Variants in FGFRL1 observed in about 807,000 individuals in gnomAD.
FGFRL1 encodes the protein fibroblast growth factor receptor like 1.
In FGFRL1, 24 loss-of-function variants were observed where a neutral mutation model predicts 36.8. That is an observed-to-expected ratio of 0.65 (90% CI 0.47 to 0.92). FGFRL1 has a LOEUF of 0.92. Among genes scored for constraint, FGFRL1 ranks in the 40% least tolerant of loss-of-function variants. FGFRL1 has a pLI of 0.00. For synonymous variants in FGFRL1, 422 were observed against 344.1 expected (o/e 1.23, Z -2.50); for missense variants, 785 against 753.4 (o/e 1.04, Z -0.49).
intron 2 of FGFRL1, 98 bp from the exon 3 acceptor site, chr4:1,022,105 C>A (rs1484843965): frequency 7.3e-6 from 7 of 954,984 alleles, no homozygotes; most frequent in Non-Finnish European, 1.1e-5. Context: ...GAGCTCAGGC[C>A]CGAGGTCTGT....
rs370665283 is a variant in FGFRL1 at position 1,025,349 on chromosome 4, C to G, written c.*2C>G. 6.5e-7 allele frequency: 1 copy of G among 1,542,812 alleles called. No individual in the cohort carries two copies. The highest frequency in any genetic ancestry group is 8.8e-7 in the Non-Finnish European group (1 of 1,140,750). ...CAGCACATCCACTATCAGTGCTAGA[C>G]GGCACCGTATCTGCAGTGGGCACGG... On this transcript the variant is annotated 3_prime_UTR_variant, in exon 7 of 7. Coordinates refer to ENST00000510644, the MANE Select transcript of FGFRL1 (RefSeq NM_001004356.3).
At chr4:1,020,055 A>G (rs1397398020) in intron 2 of FGFRL1, among the ~76,000 whole-genome samples, 1 of 152,238 alleles carries the variant, frequency 6.6e-6, no homozygotes, top group African/African-American at 2.4e-5. Flanking sequence ...GAGAGGTGAT[A>G]GGGATTCTCT....
At chr4:1,016,068 C>A (rs550454956) in intron 2 of FGFRL1, among the ~76,000 whole-genome samples, 1 of 152,190 alleles carries the variant, frequency 6.6e-6, no homozygotes, top group Non-Finnish European at 1.5e-5. Flanking sequence ...TTGAGAAGTC[C>A]GCCATGTGAG....
intron 2 of FGFRL1, among the ~76,000 whole-genome samples, chr4:1,018,777 GC>G (rs1414410530): frequency 1.3e-5 from 2 of 152,192 alleles, no homozygotes; most frequent in African/African-American, 4.8e-5. Flanking sequence ...TGGTGCCCTG[GC>G]CGCTGTCCTG....
At chr4:1,016,990 T>C (rs55916145) in intron 2 of FGFRL1, among the ~76,000 whole-genome samples, 46,335 of 151,992 alleles carry the variant, frequency 0.3, 8,157 homozygotes, top group South Asian at 0.46. Context: ...ACTGTGTCTC[T>C]TCTCGGTAAC....
At chr4:1,014,077 C>T (rs1325966231) in intron 2 of FGFRL1, among the ~76,000 whole-genome samples, 3 of 152,232 alleles carry the variant, frequency 2.0e-5, no homozygotes, top group Admixed American at 1.3e-4. Flanking sequence ...AAGTGTGTTT[C>T]TCCTGCTCTG....
chr4:1,016,402 G>C (rs1468099871), intron 2 of FGFRL1, among the ~76,000 whole-genome samples: 2 of 152,152 alleles, frequency 1.3e-5, no homozygotes, highest in Non-Finnish European at 2.9e-5. Context: ...TCTGGACTGG[G>C]ATGGGTACGG....
At position 1,024,468 on chromosome 4, in the gene FGFRL1, C is replaced by G; in HGVS notation, c.876C>G (p.His292Gln). The G allele has an allele frequency of 6.2e-7, 1 of 1,612,538 alleles. No homozygotes were observed. Among genetic ancestry groups the G allele is most frequent in the Middle Eastern group, 1.6e-4 (1 of 6,062 alleles). Reference protein sequence around the residue: ...KRVEYGAEGRHNSTIDVGGQK... With the variant: ...KRVEYGAEGRQNSTIDVGGQK... ...TGGAGTACGGCGCCGAGGGCCGCCA[C>G]AACTCCACCATCGATGTGGGCGGCC... The change falls in exon 6 of 7, where the codon CAC (histidine) becomes CAG (glutamine). Residue 292 changes from histidine to glutamine, a missense_variant. Coordinates refer to ENST00000510644, the MANE Select transcript of FGFRL1 (RefSeq NM_001004356.3).
In FGFRL1 at chr4:1,024,599, A is replaced by ACAT. The variant is rs1716399728; in HGVS notation, c.1009_1011dup (p.Ile337dup). 1 of 1,612,046 alleles carries ACAT rather than the reference A, an allele frequency of 6.2e-7. No individual in the cohort carries two copies. The highest frequency in any genetic ancestry group is 8.5e-7 in the Non-Finnish European group (1 of 1,179,736). ...GCCCGCCAGGACGATGCGGGCATGT[A>ACAT]CATCTGCCTTGGCGCCAACACCATG... On this transcript the variant is annotated inframe_insertion, in exon 6 of 7. Transcript: ENST00000510644.
Position 1,025,147 on chromosome 4 carries a change from A to C in FGFRL1, c.1315A>C (p.Ser439Arg). 1 of 1,610,944 alleles carries C rather than the reference A, an allele frequency of 6.2e-7. No homozygotes were observed. Among genetic ancestry groups the C allele is most frequent in the East Asian group, 2.2e-5 (1 of 44,804 alleles). ...DKDLPSLAAL[S>R]AGPGVGLCEE... is the part of the protein sequence containing the mutation. ...GGACCTTCCCTCGTTGGCCGCCCTC[A>C]GCGCTGGCCCTGGTGTGGGGCTGTG... Residue 439 changes from serine to arginine, a missense_variant, in exon 7 of 7, where the codon AGC (serine) becomes CGC (arginine). Physicochemically the swap from Ser to Arg is moderately radical, Grantham distance 110. Coordinates refer to ENST00000510644, the MANE Select transcript of FGFRL1 (RefSeq NM_001004356.3).
rs1221868066 is a variant in FGFRL1, at chr4:1,023,864, G to A, written c.481G>A (p.Ala161Thr). The A allele has an allele frequency of 6.3e-6, 10 of 1,575,984 alleles. No homozygotes were observed. Among genetic ancestry groups the A allele is most frequent in the East Asian group, 2.3e-5 (1 of 42,814 alleles). Residue 161 changes from alanine to threonine, a missense_variant, in exon 5 of 7, where the codon GCA becomes ACA. Coordinates refer to ENST00000510644, the MANE Select transcript of FGFRL1 (RefSeq NM_001004356.3). This position sits in a 1 kb window ranked among gnomAD's most constrained non-coding sequence, Gnocchi z 6.0. ...QPSKMRRRVI[A>T]RPVGSSVRLK... is the part of the protein sequence containing the mutation. Reference sequence around the variant, plus strand: ...CTCCAAGATGAGGCGCCGGGTGATCGCACGGCCCGTGGGTAGCTCCGTGCG... The same window carrying A: ...CTCCAAGATGAGGCGCCGGGTGATCACACGGCCCGTGGGTAGCTCCGTGCG...
Position 1,025,475 on chromosome 4 carries a change from C to G in FGFRL1, c.*128C>G, listed in dbSNP as rs1415563639. The G allele has an allele frequency of 2.5e-6, 3 of 1,182,524 alleles. No individual in the cohort carries two copies. The highest frequency in any genetic ancestry group is 3.5e-6 in the Non-Finnish European group (3 of 845,842). The allele number at this position is 1,182,524 out of a possible 1,614,324, so 73.3% of individuals were successfully genotyped here. A position where few individuals can be genotyped will look rare whatever the true frequency, so the allele number is the denominator to read the frequency against. On this transcript the variant is annotated 3_prime_UTR_variant, in exon 7 of 7. Coordinates refer to ENST00000510644, the MANE Select transcript of FGFRL1 (RefSeq NM_001004356.3). ...AGGAATGGCCAGCACCCCAGGCAGT[C>G]TGTGTGTGAGGCATAGCCCCTGGAC...
Position 1,026,840 on chromosome 4 carries a change from C to A in FGFRL1, c.*1493C>A, listed in dbSNP as rs148169986. On this transcript the variant is annotated 3_prime_UTR_variant, in exon 7 of 7. Transcript: ENST00000510644. The stretch of plus-strand genomic sequence containing the variant: ...TCTGTAATTTTATGTAGAGTTTGAG[C>A]TGAAGCCCCGTATATTTAATTTATT... The A allele has an allele frequency of 3.1e-5, 14 of 455,360 alleles. 1 individual carries two copies. The highest frequency in any genetic ancestry group is 1.9e-4 in the South Asian group (12 of 64,288). The allele number at this position is 455,360 out of a possible 1,614,324, so 28.2% of individuals were successfully genotyped here. A position where few individuals can be genotyped will look rare whatever the true frequency, so the allele number is the denominator to read the frequency against.
chr4:1,025,621 CAGAT>C lies in FGFRL1; in HGVS notation c.*276_*279del, dbSNP rs1716478978. 2 of 550,320 alleles carry C rather than the reference CAGAT, an allele frequency of 3.6e-6. No homozygotes were observed. The highest frequency in any genetic ancestry group is 3.5e-5 in the Admixed American group (1 of 28,406). The allele number at this position is 550,320 out of a possible 1,614,324, so 34.1% of individuals were successfully genotyped here. A position where few individuals can be genotyped will look rare whatever the true frequency, so the allele number is the denominator to read the frequency against. ...TGCACAGATATGCCGCCTGGGCACACAGATAAGCTGCCCAAATGCACGCACACGC... is the reference window on the plus strand; with the variant it reads ...TGCACAGATATGCCGCCTGGGCACACAAGCTGCCCAAATGCACGCACACGC... On this transcript the variant is annotated 3_prime_UTR_variant, in exon 7 of 7. Coordinates refer to ENST00000510644, the MANE Select transcript of FGFRL1 (RefSeq NM_001004356.3).
In FGFRL1 at chr4:1,011,781, C is replaced by G. The variant is rs1312402545; in HGVS notation, c.-190C>G. 2.1e-5 allele frequency: 3 copies of G among 143,362 alleles called. No individual in the cohort carries two copies. Among genetic ancestry groups the G allele is most frequent in the Non-Finnish European group, 4.7e-5 (3 of 64,444 alleles). The allele number at this position is 143,362 out of a possible 1,614,324, so 8.9% of individuals were successfully genotyped here. ...GACCCCGCGCCCCGAGCGCCCGAGC[C>G]CGGACCCCGACCCGGCCCGAGCCGC... On this transcript the variant is annotated 5_prime_UTR_variant, in exon 1 of 7. Coordinates refer to ENST00000510644, the MANE Select transcript of FGFRL1 (RefSeq NM_001004356.3).
Position 1,025,285 on chromosome 4 carries a change from C to T in FGFRL1, c.1453C>T (p.His485Tyr). 6.3e-7 allele frequency: 1 copy of T among 1,584,142 alleles called. No homozygotes were observed. The highest frequency in any genetic ancestry group is 8.6e-7 in the Non-Finnish European group (1 of 1,164,688). ...YTDIHTHTHTHSHTHSHVEGK... is the reference protein window; with the variant it reads ...YTDIHTHTHTYSHTHSHVEGK... Reference sequence around the variant, plus strand: ...AGACATCCACACACACACACACACACACTCTCACACACACTCACACGTGGA... The same window carrying T: ...AGACATCCACACACACACACACACATACTCTCACACACACTCACACGTGGA... Residue 485 changes from histidine to tyrosine, a missense_variant, in exon 7 of 7, where the codon CAC becomes TAC. Transcript: ENST00000510644.
rs1577553572 is a variant in FGFRL1 at position 1,012,457 on chromosome 4, C to T, written c.-16-13C>T. 2.5e-6 allele frequency: 4 copies of T among 1,575,798 alleles called. No homozygotes were observed. The highest frequency in any genetic ancestry group is 3.4e-6 in the Non-Finnish European group (4 of 1,165,208). ...GTTCCACGTGTTAGTGACGGCGCCCCCAATGTCCCCAGGTCCGGACAGGCC... is the reference window on the plus strand; with the variant it reads ...GTTCCACGTGTTAGTGACGGCGCCCTCAATGTCCCCAGGTCCGGACAGGCC... On this transcript the variant is annotated splice_polypyrimidine_tract_variant and intron_variant, in intron 1 of 6. Transcript: ENST00000510644.
In FGFRL1 at chr4:1,026,787, C is replaced by T. The variant is rs375839578; in HGVS notation, c.*1440C>T. ...CCCGTCCAGGCCAGACACCACCCCCCACCCCACTGTCGTGGTGGCCCCAGA... is the reference window on the plus strand; with the variant it reads ...CCCGTCCAGGCCAGACACCACCCCCTACCCCACTGTCGTGGTGGCCCCAGA... On this transcript the variant is annotated 3_prime_UTR_variant, in exon 7 of 7. Coordinates refer to ENST00000510644, the MANE Select transcript of FGFRL1 (RefSeq NM_001004356.3). 2.4e-4 allele frequency: 108 copies of T among 450,468 alleles called. 1 individual carries two copies. In the East Asian group the frequency reaches 4.6e-3, roughly 19 times the overall value. The allele number at this position is 450,468 out of a possible 1,614,324, so 27.9% of individuals were successfully genotyped here. A position where few individuals can be genotyped will look rare whatever the true frequency, so the allele number is the denominator to read the frequency against.
chr4:1,012,223 A>C, intron 1 of FGFRL1: 1 of 439,930 alleles, frequency 2.3e-6, no homozygotes, highest in Non-Finnish European at 4.0e-6. Context: ...GGCCGGAGTT[A>C]CAAGCGCCAG....
Sources: allele counts gnomAD v4.1 joint callset (sites outside exome capture counted in the v4.1 genomes callset), GRCh38; gene constraint gnomAD v4.1.1; non-coding constraint Gnocchi (gnomAD v3.1); transcripts MANE v1.5; gene names NCBI Gene and HGNC (gene_info 2026-07-23, HGNC 2026-07-21).